ZC3H7B: variants seen among roughly 807,000 people sequenced by gnomAD.
The protein encoded by ZC3H7B is zinc finger CCCH domain-containing protein 7B.
In ZC3H7B, 35 loss-of-function variants were observed where a neutral mutation model predicts 116.0. The ratio of observed to expected loss-of-function variants is 0.30; its 90% CI spans 0.23 to 0.40. ZC3H7B has a LOEUF of 0.40. Ranked by LOEUF, ZC3H7B falls within the 10% of genes least tolerant of loss-of-function variation. ZC3H7B has a pLI of 1.00. For missense variants in ZC3H7B, 1,011 were observed against 1,321.5 expected, an observed-to-expected ratio of 0.77 and a Z score of 3.64; for synonymous variants, 502 against 545.6, an observed-to-expected ratio of 0.92 and a Z score of 1.11.
rs556611607 is a variant in ZC3H7B at position 41,358,452 on chromosome 22, T to C, written c.*1023T>C. The C allele has an allele frequency of 5.3e-5, 8 of 152,100 alleles. No individual in the cohort carries two copies. Among genetic ancestry groups the C allele is most frequent in the Non-Finnish European group, 1.2e-4 (8 of 68,164 alleles). The allele number at this position is 152,100 out of a possible 1,614,324, so 9.4% of individuals were successfully genotyped here. A position where few individuals can be genotyped will look rare whatever the true frequency, so the allele number is the denominator to read the frequency against. On this transcript the variant is annotated 3_prime_UTR_variant, in exon 23 of 23. Coordinates refer to ENST00000352645, the MANE Select transcript of ZC3H7B (RefSeq NM_017590.6). ...CTCCTGACATGCGCTCTGGGAAAGG[T>C]GGCAGAGGGCAGGACACCATGAGCT...
chr22:41,303,821 G>T (rs1392262962), intron 1 of ZC3H7B, among the ~76,000 whole-genome samples: 1 of 151,702 alleles, frequency 6.6e-6, no homozygotes, highest in African/African-American at 2.4e-5. Context: ...GCAGTGGCGC[G>T]ATCTTGGCTC....
chr22:41,312,061 G>T (rs551748307), intron 1 of ZC3H7B, among the ~76,000 whole-genome samples: 1 of 151,744 alleles, frequency 6.6e-6, no homozygotes, highest in Non-Finnish European at 1.5e-5. Flanking sequence ...GGAGGCTGAG[G>T]CAGGAGAATG....
rs372645291 is a variant in ZC3H7B, at chr22:41,356,022, G to A, written c.2343G>A (p.Pro781=). Residue 781 remains proline, a synonymous_variant, in exon 20 of 23, where the codon CCG becomes CCA. Transcript: ENST00000352645. ...GGAACTGCTCCTTCGCACACAGCCCGGAGGAGAGGGACATGTGGACCTTCA... is the reference window on the plus strand; with the variant it reads ...GGAACTGCTCCTTCGCACACAGCCCAGAGGAGAGGGACATGTGGACCTTCA... ...YVGNCSFAHS[P]EERDMWTFMK... is the part of the protein sequence containing the mutation. The A allele has an allele frequency of 9.6e-6, 15 of 1,568,012 alleles. No individual in the cohort carries two copies. Among genetic ancestry groups the A allele is most frequent in the African/African-American group, 5.5e-5 (4 of 72,608 alleles).
At position 41,340,040 on chromosome 22, in the gene ZC3H7B, C is replaced by T. The variant is rs2036499562; in HGVS notation, c.1041C>T (p.Asp347=). Residue 347 remains aspartate, a synonymous_variant, in exon 10 of 23, where the codon GAC becomes GAT. Transcript: ENST00000352645. ...TCGATCCCCCGGGCCCCACGCTGGA[C>T]CCCCTGGACCTGCTGCCGTACTCGG... ...DALDPPGPTL[D]PLDLLPYSET... is the part of the protein sequence containing the mutation. 1 of 1,611,510 alleles carries T rather than the reference C, an allele frequency of 6.2e-7. No individual in the cohort carries two copies. The highest frequency in any genetic ancestry group is 8.5e-7 in the Non-Finnish European group (1 of 1,179,996).
At chr22:41,329,110 C>T (rs1015852129) in intron 5 of ZC3H7B, among the ~76,000 whole-genome samples, 1 of 149,354 alleles carries the variant, frequency 6.7e-6, no homozygotes, top group Non-Finnish European at 1.5e-5. Flanking sequence ...AAGGCTGAGG[C>T]AGGAGAATCT....
chr22:41,305,337 T>G (rs61298040), intron 1 of ZC3H7B, among the ~76,000 whole-genome samples: 2 of 145,716 alleles, frequency 1.4e-5, no homozygotes, highest in Admixed American at 6.9e-5. Flanking sequence ...AGCAAGACTC[T>G]GTCTCAAAAA....
At chr22:41,304,232 TTTC>T (rs2036011487) in intron 1 of ZC3H7B, among the ~76,000 whole-genome samples, 1 of 151,838 alleles carries the variant, frequency 6.6e-6, no homozygotes, top group Non-Finnish European at 1.5e-5. Context: ...TCTTTCTTTC[TTTC>T]TTTTTTTTTG....
chr22:41,355,770 C>T lies in ZC3H7B; in HGVS notation c.2182C>T (p.Arg728Trp), dbSNP rs1044814731. The T allele has an allele frequency of 3.7e-6, 6 of 1,611,422 alleles. No individual in the cohort carries two copies. The highest frequency in any genetic ancestry group is 1.1e-5 in the South Asian group (1 of 90,752). The part of the protein sequence containing the change: ...AKARHCWTKE[R>W]RVLLVMSKAK... ...TCTGTCCTGCAGCTGGACCAAGGAG[C>T]GGCGGGTCCTTCTGGTGATGTCCAA... Residue 728 changes from arginine (R) to tryptophan (W), a missense_variant, in exon 19 of 23, where the codon CGG becomes TGG. Arg to Trp is a moderately radical substitution (Grantham distance 101). Transcript: ENST00000352645.
In ZC3H7B at chr22:41,330,087, C is replaced by T. The variant is rs1473101966; in HGVS notation, c.509C>T (p.Ala170Val). Residue 170 changes from alanine to valine, a missense_variant, in exon 6 of 23, where the codon GCG (alanine) becomes GTG (valine). Around this residue, in one of 5 missense-constraint regions of ZC3H7B, gnomAD observed 322 missense variants for 443.9 expected, o/e 0.73. Transcript: ENST00000352645. The stretch of plus-strand genomic sequence containing the variant: ...AAACTGGGGCTGCGAGTTCGCAAGG[C>T]GTATAAGAGGCCCCAGGTAGGTGGG... ...AQKLGLRVRK[A>V]YKRPQELETF... The T allele has an allele frequency of 4.3e-6, 7 of 1,613,712 alleles. No individual in the cohort carries two copies. The highest frequency in any genetic ancestry group is 2.2e-5 in the East Asian group (1 of 44,884).
At chr22:41,318,170 C>T (rs1569232147) in intron 1 of ZC3H7B, among the ~76,000 whole-genome samples, 1 of 152,088 alleles carries the variant, frequency 6.6e-6, no homozygotes, top group Non-Finnish European at 1.5e-5. Flanking sequence ...ACACGTGGCT[C>T]ATGCCTGTCA....
Position 41,338,452 on chromosome 22 carries a change from G to T in ZC3H7B, c.625+97G>T. On this transcript the variant is annotated intron_variant, in intron 8 of 22. Coordinates refer to ENST00000352645, the MANE Select transcript of ZC3H7B (RefSeq NM_017590.6). The surrounding 1 kb of genome is among the most constrained non-coding windows in gnomAD (Gnocchi z 4.5). ...CCATCCCAGCCCTGTAGATGGGAGG[G>T]CCTCCGAGGGGTTCCCCACCCTGGT... The T allele has an allele frequency of 7.5e-7, 1 of 1,340,524 alleles. No homozygotes were observed. Among genetic ancestry groups the T allele is most frequent in the Non-Finnish European group, 1.0e-6 (1 of 957,388 alleles). The allele number at this position is 1,340,524 out of a possible 1,614,324, so 83.0% of individuals were successfully genotyped here. A position where few individuals can be genotyped will look rare whatever the true frequency, so the allele number is the denominator to read the frequency against.
chr22:41,320,069 A>G (rs1055623204), intron 1 of ZC3H7B, among the ~76,000 whole-genome samples: 9 of 149,466 alleles, frequency 6.0e-5, no homozygotes, highest in Non-Finnish European at 1.3e-4. Flanking sequence ...ATAGTGACTC[A>G]TGCCTGTCAT....
intron 7 of ZC3H7B, chr22:41,333,219 C>A (rs2036404251): frequency 6.6e-6 from 1 of 152,134 alleles, no homozygotes; most frequent in Non-Finnish European, 1.5e-5. Flanking sequence ...TAAGGAGGCC[C>A]ACAAAACACT....
At chr22:41,345,407 G>T (rs2036571770) in intron 13 of ZC3H7B, among the ~76,000 whole-genome samples, 1 of 152,120 alleles carries the variant, frequency 6.6e-6, no homozygotes, top group Admixed American at 6.5e-5. Flanking sequence ...CCAACATGGA[G>T]AAACCCTGTC....
intron 1 of ZC3H7B, among the ~76,000 whole-genome samples, chr22:41,303,890 T>C (rs1372750516): frequency 6.6e-6 from 1 of 151,708 alleles, no homozygotes; most frequent in Admixed American, 6.6e-5. Flanking sequence ...CCTGAGTAGC[T>C]GGGACTACAG....
Position 41,302,578 on chromosome 22 carries a change from C to G in ZC3H7B, c.-7+806C>G, listed in dbSNP as rs1029134819. Reference sequence around the variant, plus strand: ...GGGAGCCGCCGACTCCGGCCTCATACCCCCATCCTGCCCGCTGCGAACCTC... The same window carrying G: ...GGGAGCCGCCGACTCCGGCCTCATAGCCCCATCCTGCCCGCTGCGAACCTC... On this transcript the variant is annotated intron_variant, in intron 1 of 22. Transcript: ENST00000352645. The surrounding 1 kb of genome is among the most constrained non-coding windows in gnomAD (Gnocchi z 5.7). 3.9e-5 allele frequency among the ~76,000 whole-genome samples: 6 copies of G among 152,136 alleles called. No homozygotes were observed. The highest frequency in any genetic ancestry group is 8.8e-5 in the Non-Finnish European group (6 of 68,014).
At chr22:41,325,510 A>G (rs2036306162) in intron 2 of ZC3H7B, 54 bp from the exon 3 acceptor site, 2 of 1,582,268 alleles carry the variant, frequency 1.3e-6, no homozygotes. Context: ...CTGGACCTCC[A>G]TGAAGCTGGG....
At chr22:41,334,260 G>A (rs905749773) in intron 7 of ZC3H7B, 1 of 152,260 alleles carries the variant, frequency 6.6e-6, no homozygotes, top group African/African-American at 2.4e-5. Context: ...CCAAGGTAGC[G>A]TCTCATCACA....
intron 1 of ZC3H7B, among the ~76,000 whole-genome samples, chr22:41,314,530 C>T (rs1348081960): frequency 6.6e-6 from 1 of 151,980 alleles, no homozygotes; most frequent in Non-Finnish European, 1.5e-5. Flanking sequence ...TCAAGTGATG[C>T]TCCCACTTCG....
Sources: allele counts gnomAD v4.1 joint callset (sites outside exome capture counted in the v4.1 genomes callset), GRCh38; gene constraint gnomAD v4.1.1; regional missense constraint gnomAD v4.1.1; non-coding constraint Gnocchi (gnomAD v3.1); transcripts MANE v1.5; gene names NCBI Gene and HGNC (gene_info 2026-07-23, HGNC 2026-07-21).